RGS7BP: variants seen among roughly 807,000 people sequenced by gnomAD.
RGS7BP encodes regulator of G protein signaling 7 binding protein, also known as regulator of G protein signaling 7-binding protein.
A neutral mutation model predicts 31.3 loss-of-function variants in RGS7BP; 9 were observed. The observed-to-expected ratio is 0.29, with a 90% CI of 0.17 to 0.50. The LOEUF (loss-of-function observed/expected upper bound fraction) is 0.50. Among genes scored for constraint, RGS7BP ranks in the 20% least tolerant of loss-of-function variants. The pLI, the probability that RGS7BP is intolerant of heterozygous loss-of-function variation, is 0.98. For missense variants in RGS7BP, 274 were observed against 322.0 expected (o/e 0.85, Z 1.14); for synonymous variants, 115 against 120.1 (o/e 0.96, Z 0.28).
chr5:64,566,438 T>G, intron 2 of RGS7BP, among the ~76,000 whole-genome samples: 1 of 151,984 alleles, frequency 6.6e-6, no homozygotes, highest in East Asian at 1.9e-4. Context: ...CAGCAAAGAC[T>G]GGCACTAGGG....
At chr5:64,596,247 C>A (rs774632580) in intron 4 of RGS7BP, among the ~76,000 whole-genome samples, 42 of 152,188 alleles carry the variant, frequency 2.8e-4, no homozygotes, top group Non-Finnish European at 5.6e-4. Context: ...AGATTCTGGT[C>A]AAAGGAGATG....
intron 2 of RGS7BP, among the ~76,000 whole-genome samples, chr5:64,510,568 C>G (rs928596092): frequency 6.6e-6 from 1 of 151,930 alleles, no homozygotes; most frequent in Non-Finnish European, 1.5e-5. Flanking sequence ...CAGATGAGCT[C>G]GAGAAATCTT....
At chr5:64,590,063 T>C (rs1260771771) in intron 3 of RGS7BP, among the ~76,000 whole-genome samples, 1 of 151,960 alleles carries the variant, frequency 6.6e-6, no homozygotes, top group African/African-American at 2.4e-5. Flanking sequence ...TAAATAATAG[T>C]ATAGAATCAA....
Position 64,519,511 on chromosome 5 carries a change from G to A in RGS7BP, c.332+11634G>A, listed in dbSNP as rs16892803. Among the ~76,000 whole-genome samples the A allele has an allele frequency of 9.7e-3, 1,473 of 152,278 alleles. 28 individuals carry two copies. The highest frequency in any genetic ancestry group is 0.033 in the African/African-American group (1,383 of 41,556). On this transcript the variant is annotated intron_variant, in intron 2 of 5. Transcript: ENST00000334025. Reference sequence around the variant, plus strand: ...CTGACTGGGTGTAGCCAGGGAAAACGACTTCATAAAGGGATTGATGTCACC... The same window carrying A: ...CTGACTGGGTGTAGCCAGGGAAAACAACTTCATAAAGGGATTGATGTCACC...
chr5:64,522,502 A>G (rs747637639), intron 2 of RGS7BP, among the ~76,000 whole-genome samples: 2 of 152,190 alleles, frequency 1.3e-5, no homozygotes, highest in Non-Finnish European at 2.9e-5. Context: ...TCTTTCCACC[A>G]TAAGTCACAT....
At chr5:64,584,571 A>G (rs1009645528) in intron 3 of RGS7BP, among the ~76,000 whole-genome samples, 3 of 152,170 alleles carry the variant, frequency 2.0e-5, no homozygotes, top group South Asian at 4.1e-4. Flanking sequence ...CTTTGAACGT[A>G]TCTTCTATTG....
At chr5:64,525,315 G>C (rs1444084148) in intron 2 of RGS7BP, among the ~76,000 whole-genome samples, 1 of 152,180 alleles carries the variant, frequency 6.6e-6, no homozygotes, top group East Asian at 1.9e-4. Context: ...AGGAATAACA[G>C]AAAGAACAGC....
intron 3 of RGS7BP, among the ~76,000 whole-genome samples, chr5:64,586,089 G>T (rs1742743328): frequency 6.6e-6 from 1 of 152,152 alleles, no homozygotes; most frequent in South Asian, 2.1e-4. Flanking sequence ...GCACATGTTG[G>T]CCTCTTTTCC....
At chr5:64,535,924 T>TGAAA (rs1741338667) in intron 2 of RGS7BP, among the ~76,000 whole-genome samples, 1 of 152,216 alleles carries the variant, frequency 6.6e-6, no homozygotes. Flanking sequence ...CAGAAAGTCT[T>TGAAA]GAAAAGACTT....
intron 2 of RGS7BP, among the ~76,000 whole-genome samples, chr5:64,526,465 T>A (rs1188012533): frequency 6.6e-6 from 1 of 152,222 alleles, no homozygotes; most frequent in Non-Finnish European, 1.5e-5. Context: ...GACACTTGTC[T>A]AAATAACTGG....
At chr5:64,538,805 C>A (rs578227000) in intron 2 of RGS7BP, among the ~76,000 whole-genome samples, 2 of 152,030 alleles carry the variant, frequency 1.3e-5, no homozygotes, top group Admixed American at 6.6e-5. Context: ...ATCCACCCAC[C>A]TTTGTTGGCC....
intron 2 of RGS7BP, among the ~76,000 whole-genome samples, chr5:64,562,372 TC>T (rs1742075100): frequency 6.6e-6 from 1 of 152,140 alleles, no homozygotes. Flanking sequence ...CCTTATATTT[TC>T]CATATATTAT....
intron 2 of RGS7BP, among the ~76,000 whole-genome samples, chr5:64,547,605 T>TTAATTATCC (rs1741688758): frequency 6.6e-6 from 1 of 152,168 alleles, no homozygotes; most frequent in Admixed American, 6.6e-5. Context: ...AATAAGTAAT[T>TTAATTATCC]TAATTATCCA....
At chr5:64,609,103 TA>T in intron 5 of RGS7BP, 57 bp from the exon 6 acceptor site, 1 of 1,106,406 alleles carries the variant, frequency 9.0e-7, no homozygotes. Flanking sequence ...AGCCACTTCC[TA>T]AAAAGCAGGT....
intron 2 of RGS7BP, among the ~76,000 whole-genome samples, chr5:64,539,275 C>T (rs940793555): frequency 6.6e-6 from 1 of 152,060 alleles, no homozygotes; most frequent in African/African-American, 2.4e-5. Context: ...GGATATGAGT[C>T]ATTTGTCAGA....
intron 2 of RGS7BP, among the ~76,000 whole-genome samples, chr5:64,530,752 A>T (rs1219617003): frequency 1.3e-5 from 2 of 151,784 alleles, no homozygotes; most frequent in African/African-American, 4.9e-5. Context: ...ATGTGTCAGT[A>T]GGGTTTTTTC....
intron 2 of RGS7BP, among the ~76,000 whole-genome samples, chr5:64,559,584 A>G (rs1385629622): frequency 6.6e-6 from 1 of 152,200 alleles, no homozygotes; most frequent in Non-Finnish European, 1.5e-5. Flanking sequence ...CACCTTAGCC[A>G]ATGTTATAGA....
chr5:64,572,870 AG>A (rs1742330676), intron 2 of RGS7BP, among the ~76,000 whole-genome samples: 1 of 150,416 alleles, frequency 6.6e-6, no homozygotes, highest in African/African-American at 2.4e-5. Flanking sequence ...CATAATGTGC[AG>A]GTTTGTTACA....
At chr5:64,527,595 G>T (rs1749261071) in intron 2 of RGS7BP, among the ~76,000 whole-genome samples, 2 of 99,712 alleles carry the variant, frequency 2.0e-5, no homozygotes, top group East Asian at 2.9e-4. Flanking sequence ...TTAAAGCATT[G>T]CTTATAACAG....
Sources: allele counts gnomAD v4.1 joint callset (sites outside exome capture counted in the v4.1 genomes callset), GRCh38; gene constraint gnomAD v4.1.1; transcripts MANE v1.5; gene names NCBI Gene and HGNC (gene_info 2026-07-23, HGNC 2026-07-21).